The following NIM1K variants were observed in gnomAD, a reference collection of about 807,000 sequenced individuals.
NIM1K encodes serine/threonine-protein kinase NIM1.
A neutral mutation model predicts 37.1 loss-of-function variants in NIM1K; 35 were observed. The ratio of observed to expected loss-of-function variants is 0.94; its 90% CI spans 0.72 to 1.25. The LOEUF (loss-of-function observed/expected upper bound fraction) is 1.25. NIM1K is among the 50% of genes most tolerant of loss of function. The pLI, the probability that NIM1K is intolerant of heterozygous loss-of-function variation, is 0.00. For missense variants in NIM1K, 564 were observed against 548.0 expected, an observed-to-expected ratio of 1.03 and a Z score of -0.29; for synonymous variants, 234 against 206.6, an observed-to-expected ratio of 1.13 and a Z score of -1.14.
In NIM1K at chr5:43,196,936, G is replaced by T. The variant is rs377533376; in HGVS notation, c.-695+4525G>T. Among the ~76,000 whole-genome samples, 1,057 of 130,836 alleles carry T rather than the reference G, an allele frequency of 8.1e-3. 8 individuals carry two copies. Among genetic ancestry groups the T allele is most frequent in the Middle Eastern group, 0.037 (9 of 240 alleles). 85.8% of individuals were successfully genotyped at this position (130,836 alleles called of 152,430 possible). On this transcript the variant is annotated intron_variant, in intron 1 of 3. Coordinates refer to ENST00000326035, the MANE Select transcript of NIM1K (RefSeq NM_153361.4). ...TATAGGTGCACGCTACCATGCCCAT[G>T]CCCAGCTTTTTTTTTTTTTTTTTTT...
In NIM1K at chr5:43,232,236, T is replaced by C. The variant is rs964250234; in HGVS notation, c.-694-12846T>C. 1.2e-5 allele frequency: 13 copies of C among 1,047,482 alleles called. No homozygotes were observed. In the Admixed American group the frequency reaches 1.9e-4, roughly 16 times the overall value. 64.9% of individuals were successfully genotyped at this position (1,047,482 alleles called of 1,614,324 possible). A position where few individuals can be genotyped will look rare whatever the true frequency, so the allele number is the denominator to read the frequency against. ...CCACGGTAAAACAGGCAGCAAGCCA[T>C]GTATTTACCATGGCAAGGCTCACAT... On this transcript the variant is annotated intron_variant, in intron 1 of 3. Transcript: ENST00000326035.
At chr5:43,207,435 A>C (rs539928163) in intron 1 of NIM1K, 2 of 837,680 alleles carry the variant, frequency 2.4e-6, no homozygotes, top group Non-Finnish European at 4.2e-6. Context: ...GACTGCTATC[A>C]GGTTCTAATA....
chr5:43,226,975 G>A (rs1752466570), intron 1 of NIM1K, among the ~76,000 whole-genome samples: 1 of 152,228 alleles, frequency 6.6e-6, no homozygotes, highest in African/African-American at 2.4e-5. Context: ...CTTGGACAGA[G>A]TGGAAAAGGG....
intron 2 of NIM1K, 139 bp downstream of exon 2, chr5:43,246,206 C>A: frequency 1.6e-6 from 1 of 624,208 alleles, no homozygotes; most frequent in Non-Finnish European, 2.7e-6. Context: ...GTGCCAGCCG[C>A]CTTCTGTGGT....
intron 2 of NIM1K, among the ~76,000 whole-genome samples, chr5:43,267,242 T>C (rs1753178593): frequency 6.6e-6 from 1 of 152,226 alleles, no homozygotes; most frequent in Non-Finnish European, 1.5e-5. Context: ...TTAGTTTGTG[T>C]GAATAGAGAT....
intron 2 of NIM1K, among the ~76,000 whole-genome samples, chr5:43,254,897 C>A (rs113184454): frequency 1.3e-5 from 2 of 152,246 alleles, no homozygotes; most frequent in African/African-American, 4.8e-5. Context: ...TTGATTCCCC[C>A]CTCTTGAATA....
chr5:43,235,678 A>G (rs556959654), intron 1 of NIM1K, among the ~76,000 whole-genome samples: 2 of 152,354 alleles, frequency 1.3e-5, no homozygotes, highest in Admixed American at 6.5e-5. Context: ...GATGAATTAG[A>G]TGGTTAAATA....
intron 2 of NIM1K, among the ~76,000 whole-genome samples, chr5:43,264,168 GAT>G (rs967532699): frequency 3.9e-5 from 6 of 152,158 alleles, no homozygotes; most frequent in African/African-American, 1.4e-4. Context: ...TCAAGTCCTG[GAT>G]ATCCTTGTTA....
chr5:43,218,337 T>C (rs1752332758), intron 1 of NIM1K, among the ~76,000 whole-genome samples: 1 of 152,204 alleles, frequency 6.6e-6, no homozygotes, highest in East Asian at 1.9e-4. Flanking sequence ...AATTGGGTGA[T>C]ATATTAGTAT....
intron 3 of NIM1K, among the ~76,000 whole-genome samples, chr5:43,277,528 A>G (rs1158001498): frequency 6.6e-6 from 1 of 151,826 alleles, no homozygotes; most frequent in Non-Finnish European, 1.5e-5. Context: ...TTACACGTCA[A>G]CCTCCTAGCT....
chr5:43,241,182 A>C (rs1752696875), intron 1 of NIM1K, among the ~76,000 whole-genome samples: 1 of 151,908 alleles, frequency 6.6e-6, no homozygotes, highest in South Asian at 2.1e-4. Context: ...ATCTAATTTT[A>C]GTGTAGTTTA....
chr5:43,207,684 A>G, intron 1 of NIM1K: 1 of 542,734 alleles, frequency 1.8e-6, no homozygotes, highest in Non-Finnish European at 3.6e-6. Context: ...GAACAGCTGG[A>G]GAATTCTTCA....
chr5:43,214,910 T>C (rs1185422282), intron 1 of NIM1K, among the ~76,000 whole-genome samples: 2 of 152,146 alleles, frequency 1.3e-5, no homozygotes, highest in Admixed American at 6.5e-5. Flanking sequence ...TTCACACTTA[T>C]AATTAATTAT....
At chr5:43,278,324 C>G (rs533866698) in intron 3 of NIM1K, among the ~76,000 whole-genome samples, 2 of 152,156 alleles carry the variant, frequency 1.3e-5, no homozygotes, top group African/African-American at 4.8e-5. Context: ...GGATTACAGG[C>G]GTGAGCCACC....
chr5:43,265,173 G>A (rs1419743946), intron 2 of NIM1K, among the ~76,000 whole-genome samples: 2 of 152,180 alleles, frequency 1.3e-5, no homozygotes, highest in African/African-American at 2.4e-5. Flanking sequence ...TGCCTTGCTA[G>A]GTTGGGGAAG....
intron 2 of NIM1K, among the ~76,000 whole-genome samples, chr5:43,252,209 T>G (rs985972916): frequency 6.6e-6 from 1 of 152,228 alleles, no homozygotes; most frequent in Non-Finnish European, 1.5e-5. Context: ...TATTACAAAA[T>G]TAACTTCAAA....
At chr5:43,254,972 A>G (rs1354260138) in intron 2 of NIM1K, among the ~76,000 whole-genome samples, 1 of 152,232 alleles carries the variant, frequency 6.6e-6, no homozygotes, top group East Asian at 1.9e-4. Flanking sequence ...TTAGTGATTT[A>G]GGGAATTCAC....
chr5:43,262,904 G>T (rs1753056078), intron 2 of NIM1K, among the ~76,000 whole-genome samples: 1 of 152,062 alleles, frequency 6.6e-6, no homozygotes, highest in South Asian at 2.1e-4. Context: ...GTATAATGAT[G>T]GATTACGTTT....
chr5:43,280,462 C>A lies in NIM1K; in HGVS notation c.1044C>A (p.Ser348Arg). 6.2e-7 allele frequency: 1 copy of A among 1,614,176 alleles called. No homozygotes were observed. Among genetic ancestry groups the A allele is most frequent in the Non-Finnish European group, 8.5e-7 (1 of 1,180,034 alleles). ...QLDPKHLSET[S>R]TLKEEENEVK... Reference sequence around the variant, plus strand: ...ATCCCAAACATTTGTCGGAAACCAGCACTCTCAAGGAAGAAGAAAATGAGG... The same window carrying A: ...ATCCCAAACATTTGTCGGAAACCAGAACTCTCAAGGAAGAAGAAAATGAGG... Residue 348 changes from serine to arginine, a missense_variant, in exon 4 of 4, where the codon AGC (serine) becomes AGA (arginine). By Grantham distance (110) the Ser-to-Arg change is moderately radical (BLOSUM62 -1). Coordinates refer to ENST00000326035, the MANE Select transcript of NIM1K (RefSeq NM_153361.4).
Sources: gnomAD v4.1 joint callset for allele counts (sites outside exome capture counted in the v4.1 genomes callset) on GRCh38, gnomAD v4.1.1 for gene constraint, MANE v1.5 for transcripts, NCBI Gene and HGNC (gene_info 2026-07-23, HGNC 2026-07-21) for gene names.